Variants in RAB3GAP1 observed in about 807,000 individuals in gnomAD.
The protein encoded by RAB3GAP1 is RAB3 GTPase activating protein catalytic subunit 1, also known as rab3 GTPase-activating protein catalytic subunit.
A neutral mutation model predicts 130.7 loss-of-function variants in RAB3GAP1; 86 were observed. The ratio of observed to expected loss-of-function variants is 0.66; its 90% CI spans 0.55 to 0.79. The LOEUF is 0.79. RAB3GAP1 is among the 30% of genes least tolerant of loss of function. RAB3GAP1 has a pLI of 0.00. For synonymous variants in RAB3GAP1, 367 were observed against 401.7 expected (o/e 0.91, Z 1.03); for missense variants, 1,029 against 1,169.4 (o/e 0.88, Z 1.75).
chr2:135,168,439 C>T (rs1181766510), intron 23 of RAB3GAP1, 106 bp from the exon 24 acceptor site: 1 of 926,200 alleles, frequency 1.1e-6, no homozygotes, highest in Non-Finnish European at 1.8e-6. Flanking sequence ...TACTGAGTAA[C>T]GTGGGACATT....
intron 6 of RAB3GAP1, 104 bp from the exon 7 acceptor site, chr2:135,115,112 G>A: frequency 3.6e-6 from 4 of 1,109,572 alleles, no homozygotes; most frequent in Non-Finnish European, 5.3e-6. Flanking sequence ...TTCCAGTTTA[G>A]TGCTTTCAAA....
intron 3 of RAB3GAP1, among the ~76,000 whole-genome samples, chr2:135,065,196 C>T (rs1308847490): frequency 3.9e-5 from 6 of 152,140 alleles, no homozygotes; most frequent in Non-Finnish European, 8.8e-5. Context: ...TCCGGTGTCA[C>T]CTAAATTCAG....
intron 9 of RAB3GAP1, among the ~76,000 whole-genome samples, chr2:135,124,485 G>A (rs530040507): frequency 4.6e-5 from 7 of 152,046 alleles, no homozygotes; most frequent in Non-Finnish European, 1.0e-4. Context: ...CCAACGTGGC[G>A]AAACCCCATC....
intron 18 of RAB3GAP1, 70 bp downstream of exon 18, chr2:135,150,576 T>C (rs2104978098): frequency 6.3e-7 from 1 of 1,594,440 alleles, no homozygotes; most frequent in East Asian, 2.2e-5. Context: ...AAAATCACTC[T>C]GTAAAGTGGT....
rs59746814 is a variant in RAB3GAP1 at position 135,170,159 on chromosome 2, T to C, written c.*1378T>C. 0.044 allele frequency: 6,692 copies of C among 152,790 alleles called. 494 individuals carry two copies. Among genetic ancestry groups the C allele is most frequent in the African/African-American group, 0.15 (6,369 of 41,220 alleles). The allele number at this position is 152,790 out of a possible 1,614,324, so 9.5% of individuals were successfully genotyped here. ...GCAGATGCAGGCGGCCTGAGGCCAG[T>C]GCTGTACCAAGTAGAAGACGGTTCC... On this transcript the variant is annotated 3_prime_UTR_variant, in exon 24 of 24. Transcript: ENST00000264158.
chr2:135,145,383 C>T (rs1038353046), intron 17 of RAB3GAP1, among the ~76,000 whole-genome samples: 1 of 145,430 alleles, frequency 6.9e-6, no homozygotes, highest in Admixed American at 7.0e-5. Flanking sequence ...CCACCCCTCA[C>T]CAACACACAC....
Position 135,140,276 on chromosome 2 carries a change from CTA to C in RAB3GAP1, c.1923+4348_1923+4349del, listed in dbSNP as rs200506576. 1.5e-3 allele frequency among the ~76,000 whole-genome samples: 235 copies of C among 152,250 alleles called. 2 individuals are homozygous for C. The East Asian group carries it at 0.043, about 28-fold the overall frequency. On this transcript the variant is annotated intron_variant, in intron 17 of 23. Coordinates refer to ENST00000264158, the MANE Select transcript of RAB3GAP1 (RefSeq NM_012233.3). ...TATTCCTAAGAGTAGAGTTATTGGG[CTA>C]TATGGTGCAAATATGTTTTGGCTTT...
intron 8 of RAB3GAP1, 76 bp downstream of exon 8, chr2:135,120,994 T>G (rs1325406282): frequency 1.9e-6 from 2 of 1,060,262 alleles, no homozygotes; most frequent in Non-Finnish European, 2.9e-6. Flanking sequence ...TTAAAATTAC[T>G]TAACAAGAGT....
At chr2:135,119,649 A>C (rs181461732) in intron 7 of RAB3GAP1, among the ~76,000 whole-genome samples, 2 of 152,214 alleles carry the variant, frequency 1.3e-5, no homozygotes, top group Non-Finnish European at 2.9e-5. Flanking sequence ...GCTGTCTACT[A>C]TTGTGACTTC....
chr2:135,143,802 G>T (rs1573593367), intron 17 of RAB3GAP1, among the ~76,000 whole-genome samples: 1 of 152,176 alleles, frequency 6.6e-6, no homozygotes. Context: ...GCCCGCCTCG[G>T]CCTCCCAAAG....
chr2:135,163,035 G>T lies in RAB3GAP1; in HGVS notation c.2540G>T (p.Arg847Leu). The T allele has an allele frequency of 6.2e-7, 1 of 1,613,998 alleles. No homozygotes were observed. Among genetic ancestry groups the T allele is most frequent in the South Asian group, 1.1e-5 (1 of 91,072 alleles). Residue 847 changes from arginine to leucine, a missense_variant, in exon 22 of 24, where the codon CGG (arginine) becomes CTG (leucine). By Grantham distance (102) the Arg-to-Leu change is moderately radical. Transcript: ENST00000264158. ...GTGGAAGCTCTCATTGCCAGAGCTC[G>T]GTCACTAAAAGCCAAGTTTGGAACT... Reference protein sequence around the residue: ...TNVEALIARARSLKAKFGTEK... With the variant: ...TNVEALIARALSLKAKFGTEK...
At chr2:135,144,222 C>T (rs57602320) in intron 17 of RAB3GAP1, among the ~76,000 whole-genome samples, 3,629 of 152,278 alleles carry the variant, frequency 0.024, 166 homozygotes, top group African/African-American at 0.083. Context: ...AATGAATTTA[C>T]GTTGACAATC....
chr2:135,092,222 A>G (rs910326922), intron 4 of RAB3GAP1, among the ~76,000 whole-genome samples: 3 of 152,286 alleles, frequency 2.0e-5, no homozygotes, highest in Middle Eastern at 3.4e-3. Flanking sequence ...AGTGTGCGCA[A>G]TTGTTGGGAG....
chr2:135,054,365 G>A (rs745650941), intron 2 of RAB3GAP1, among the ~76,000 whole-genome samples: 8 of 152,284 alleles, frequency 5.3e-5, no homozygotes, highest in Non-Finnish European at 1.2e-4. Flanking sequence ...GATGAAAGTG[G>A]TTTTAGGACA....
chr2:135,152,252 C>G (rs2104980798), intron 18 of RAB3GAP1, among the ~76,000 whole-genome samples: 1 of 152,304 alleles, frequency 6.6e-6, no homozygotes, highest in East Asian at 1.9e-4. Flanking sequence ...CTCAGAGTTC[C>G]AGAAGGAGAG....
intron 14 of RAB3GAP1, 105 bp downstream of exon 14, chr2:135,133,089 A>G (rs1691591939): frequency 1.3e-6 from 1 of 770,288 alleles, no homozygotes; most frequent in Non-Finnish European, 2.2e-6. Flanking sequence ...TATTTTAAAA[A>G]TCACCTTGGG....
intron 3 of RAB3GAP1, among the ~76,000 whole-genome samples, chr2:135,076,510 A>G (rs1378920271): frequency 6.6e-6 from 1 of 152,200 alleles, no homozygotes; most frequent in African/African-American, 2.4e-5. Flanking sequence ...CATGTTAGAT[A>G]TGCTGACCAA....
intron 17 of RAB3GAP1, chr2:135,137,008 T>C: frequency 8.4e-6 from 2 of 237,922 alleles, no homozygotes; most frequent in South Asian, 5.5e-5. Flanking sequence ...GCAAGAGTAT[T>C]GAGCCCAGGA....
chr2:135,106,579 C>T (rs926067421), intron 5 of RAB3GAP1, among the ~76,000 whole-genome samples: 2 of 151,898 alleles, frequency 1.3e-5, no homozygotes, highest in Admixed American at 6.6e-5. Context: ...GTCATCACCA[C>T]TCCCTAATCT....
Sources: gnomAD v4.1 joint callset for allele counts (sites outside exome capture counted in the v4.1 genomes callset) on GRCh38, gnomAD v4.1.1 for gene constraint, MANE v1.5 for transcripts, NCBI Gene and HGNC (gene_info 2026-07-23, HGNC 2026-07-21) for gene names.